The following POLQ variants were observed in gnomAD, a reference collection of about 807,000 sequenced individuals.
The protein encoded by POLQ is epididymis secretory sperm binding protein.
A neutral mutation model predicts 259.2 loss-of-function variants in POLQ; 233 were observed. That is an observed-to-expected ratio of 0.90 (90% CI 0.81 to 1.00). The LOEUF (loss-of-function observed/expected upper bound fraction) is 1.00, where lower values mean the gene tolerates loss of function less well. POLQ is among the 50% of genes least tolerant of loss of function. The pLI is 0.00. For synonymous variants in POLQ, 1,025 were observed against 1,048.8 expected (o/e 0.98, Z 0.44); for missense variants, 2,871 against 3,051.6 (o/e 0.94, Z 1.39).
intron 7 of POLQ, among the ~76,000 whole-genome samples, chr3:121,526,525 C>T (rs956090946): frequency 4.6e-4 from 70 of 152,192 alleles, no homozygotes; most frequent in African/African-American, 1.5e-3. Context: ...CAGAATAGGG[C>T]ACTTTCATCT....
chr3:121,478,636 T>C (rs1240864112), intron 19 of POLQ, among the ~76,000 whole-genome samples: 3 of 149,782 alleles, frequency 2.0e-5, no homozygotes. Context: ...ATACTTTGTT[T>C]ATAAGACATG....
chr3:121,491,328 G>GACTGTC (rs2048066749), intron 15 of POLQ, among the ~76,000 whole-genome samples: 1 of 126,872 alleles, frequency 7.9e-6, no homozygotes, highest in Non-Finnish European at 1.6e-5. Context: ...ACTCCAGGGC[G>GACTGTC]ACAGAGCGAG....
intron 29 of POLQ, 121 bp downstream of exon 29, chr3:121,432,797 T>C: frequency 4.5e-6 from 3 of 671,514 alleles, no homozygotes; most frequent in Non-Finnish European, 8.1e-6. Context: ...TCAATATTTA[T>C]ACAGCCATCC....
At chr3:121,540,643 A>C (rs1341422917) in intron 3 of POLQ, among the ~76,000 whole-genome samples, 1 of 152,204 alleles carries the variant, frequency 6.6e-6, no homozygotes, top group South Asian at 2.1e-4. Flanking sequence ...ATTCCTAAAT[A>C]GTCCTCAATT....
intron 3 of POLQ, among the ~76,000 whole-genome samples, chr3:121,540,347 C>T (rs73179920): frequency 0.036 from 5,507 of 152,226 alleles, 152 homozygotes; most frequent in Middle Eastern, 0.082. Context: ...GTTATATGCC[C>T]GGCCTAAAGA....
At chr3:121,439,834 A>C (rs1273355430) in intron 27 of POLQ, among the ~76,000 whole-genome samples, 158 bp downstream of exon 27, 3 of 152,240 alleles carry the variant, frequency 2.0e-5, no homozygotes, top group African/African-American at 7.2e-5. Flanking sequence ...CCATCACTTC[A>C]GAAGTCCTTA....
At chr3:121,475,902 T>C (rs777594564) in intron 20 of POLQ, among the ~76,000 whole-genome samples, 1 of 151,842 alleles carries the variant, frequency 6.6e-6, no homozygotes, top group Non-Finnish European at 1.5e-5. Flanking sequence ...TTATGTGCAG[T>C]CAGCTAGGTA....
Position 121,472,561 on chromosome 3 carries a change from C to T in POLQ, c.6544-397G>A, listed in dbSNP as rs543552539. 2.6e-5 allele frequency among the ~76,000 whole-genome samples: 4 copies of T among 152,244 alleles called. No individual in the cohort carries two copies. In the East Asian group the frequency reaches 7.7e-4, roughly 29 times the overall value. On this transcript the variant is annotated intron_variant, in intron 21 of 29. Coordinates refer to ENST00000264233, the MANE Select transcript of POLQ (RefSeq NM_199420.4). ...GCTTGCCCGGATACTTATACGGTTT[C>T]CATATCAAGGTAATCAGGAGACATT...
intron 10 of POLQ, among the ~76,000 whole-genome samples, chr3:121,510,993 C>T (rs1039481602): frequency 1.3e-5 from 2 of 152,090 alleles, no homozygotes; most frequent in Non-Finnish European, 2.9e-5. Flanking sequence ...TCTGGGAGGC[C>T]GAGGCAGGCG....
intron 16 of POLQ, among the ~76,000 whole-genome samples, chr3:121,485,396 A>T (rs906595642): frequency 6.6e-6 from 1 of 152,216 alleles, no homozygotes; most frequent in East Asian, 1.9e-4. Flanking sequence ...GCTATCAAGG[A>T]TTTGTTAAAA....
At chr3:121,459,369 A>ATTTTTTT (rs58859161) in intron 25 of POLQ, among the ~76,000 whole-genome samples, 642 of 104,778 alleles carry the variant, frequency 6.1e-3, no homozygotes, top group Non-Finnish European at 7.4e-3. Flanking sequence ...GACTAGAAAG[A>ATTTTTTT]TTTTTTTTTT....
At chr3:121,492,416 CA>C (rs1256404935) in intron 15 of POLQ, among the ~76,000 whole-genome samples, 4 of 151,992 alleles carry the variant, frequency 2.6e-5, no homozygotes, top group African/African-American at 7.3e-5. Context: ...GACATACACA[CA>C]AAAAAATAAT....
intron 7 of POLQ, among the ~76,000 whole-genome samples, chr3:121,524,937 TACACACACACAC>T (rs33965431): frequency 3.4e-5 from 5 of 148,526 alleles, no homozygotes; most frequent in African/African-American, 1.0e-4. Context: ...TGTGTATAAA[TACACACACACAC>T]ACACACACAC....
chr3:121,460,070 G>A lies in POLQ; in HGVS notation c.7132C>T (p.Leu2378=). The change falls in exon 25 of 30, where the codon CTG becomes TTG. Residue 2378 remains leucine, a synonymous_variant. Coordinates refer to ENST00000264233, the MANE Select transcript of POLQ (RefSeq NM_199420.4). ...MIEPESVGDD[L]RQQAKQICYG... ...ATCACCTGTTTTGCCTGCTGCCTCA[G>A]ATCATCCCCAACAGACTCTGGCTCA... 6.2e-7 allele frequency: 1 copy of A among 1,613,798 alleles called. No individual in the cohort carries two copies. Among genetic ancestry groups the A allele is most frequent in the Non-Finnish European group, 8.5e-7 (1 of 1,179,760 alleles).
At chr3:121,529,585 A>G (rs565689160) in intron 7 of POLQ, 60 bp downstream of exon 7, 1 of 1,491,298 alleles carries the variant, frequency 6.7e-7, no homozygotes, top group East Asian at 2.3e-5. Context: ...TATAATCACT[A>G]CCATTACTTT....
chr3:121,474,929 T>C (rs1300569978), intron 20 of POLQ, among the ~76,000 whole-genome samples: 1 of 152,216 alleles, frequency 6.6e-6, no homozygotes, highest in Non-Finnish European at 1.5e-5. Context: ...CAAGATGATG[T>C]TTTGATGTAA....
chr3:121,494,661 A>G, intron 14 of POLQ: 1 of 1,555,870 alleles, frequency 6.4e-7, no homozygotes, highest in Non-Finnish European at 8.8e-7. Flanking sequence ...TGCATTACCA[A>G]GGGGAAGGCA....
At chr3:121,465,275 A>T (rs1450062148) in intron 24 of POLQ, among the ~76,000 whole-genome samples, 2 of 151,902 alleles carry the variant, frequency 1.3e-5, no homozygotes, top group African/African-American at 4.8e-5. Context: ...GACTTTCTGT[A>T]AAGATGGGGT....
At chr3:121,451,584 C>T (rs369056497) in intron 25 of POLQ, among the ~76,000 whole-genome samples, 16 of 152,322 alleles carry the variant, frequency 1.1e-4, no homozygotes, top group East Asian at 3.9e-4. Context: ...GTATGAGCAG[C>T]GGAGGCTGCA....
Sources: allele counts gnomAD v4.1 joint callset (sites outside exome capture counted in the v4.1 genomes callset), GRCh38; gene constraint gnomAD v4.1.1; transcripts MANE v1.5; gene names NCBI Gene and HGNC (gene_info 2026-07-23, HGNC 2026-07-21).